Variants in SUPT4H1 observed in about 807,000 individuals in gnomAD.
The protein encoded by SUPT4H1 is SPT4 homolog, DSIF elongation factor subunit, also known as transcription elongation factor SPT4.
A neutral mutation model predicts 19.4 loss-of-function variants in SUPT4H1; 12 were observed. The observed-to-expected ratio is 0.62, with a 90% confidence interval of 0.40 to 1.00. SUPT4H1 has a LOEUF of 1.00. Among genes scored for constraint, SUPT4H1 ranks in the 50% least tolerant of loss-of-function variants. The pLI, the probability that SUPT4H1 is intolerant of heterozygous loss-of-function variation, is 0.00. For synonymous variants in SUPT4H1, 58 were observed against 56.3 expected (o/e 1.03, Z -0.14); for missense variants, 115 against 149.2 (o/e 0.77, Z 1.19).
chr17:58,351,391 A>T lies in SUPT4H1; in HGVS notation c.176+11T>A. 6.3e-7 allele frequency: 1 copy of T among 1,591,696 alleles called. No homozygotes were observed. Among genetic ancestry groups the T allele is most frequent in the Non-Finnish European group, 8.6e-7 (1 of 1,160,764 alleles). On this transcript the variant is annotated intron_variant, in intron 2 of 4. Coordinates refer to ENST00000225504, the MANE Select transcript of SUPT4H1 (RefSeq NM_003168.3). ...ATGCAGAAGTGAATGATGGAAACTG[A>T]AGCGGCTTACCCATCAAAGGAAGAG... is the stretch of plus-strand genomic sequence containing the variant.
At chr17:58,346,931 T>C (rs1019082079) in intron 4 of SUPT4H1, among the ~76,000 whole-genome samples, 2 of 151,878 alleles carry the variant, frequency 1.3e-5, no homozygotes, top group Admixed American at 6.6e-5. Context: ...CTGGGCAACA[T>C]AGTGAGACCT....
At chr17:58,347,454 T>C (rs567435811) in intron 3 of SUPT4H1, 75 bp downstream of exon 3, 1 of 1,567,552 alleles carries the variant, frequency 6.4e-7, no homozygotes, top group African/African-American at 1.4e-5. Context: ...TCTTGCTGAT[T>C]TGAGACTCCC....
chr17:58,351,084 T>C (rs1377811383), intron 2 of SUPT4H1, among the ~76,000 whole-genome samples: 1 of 151,936 alleles, frequency 6.6e-6, no homozygotes, highest in African/African-American at 2.4e-5. Context: ...CTGTATTAGA[T>C]GCATAGCACT....
At chr17:58,351,754 C>T in intron 1 of SUPT4H1, 1 of 574,328 alleles carries the variant, frequency 1.7e-6, no homozygotes, top group South Asian at 2.1e-5. Context: ...GGTCAGGCAT[C>T]CTTTCCGACT....
At chr17:58,351,783 C>G (rs913355699) in intron 1 of SUPT4H1, 1 of 571,250 alleles carries the variant, frequency 1.8e-6, no homozygotes, top group Admixed American at 3.2e-5. Flanking sequence ...AGCAGCGGAT[C>G]CCCACCCGCC....
At chr17:58,347,963 C>A (rs1351285593) in intron 2 of SUPT4H1, among the ~76,000 whole-genome samples, 1 of 152,178 alleles carries the variant, frequency 6.6e-6, no homozygotes, top group Non-Finnish European at 1.5e-5. Context: ...AACGGATCCT[C>A]CTACTAGAAA....
At chr17:58,349,310 G>A (rs1244614693) in intron 2 of SUPT4H1, among the ~76,000 whole-genome samples, 1 of 152,218 alleles carries the variant, frequency 6.6e-6, no homozygotes, top group African/African-American at 2.4e-5. Context: ...TTTAAATTTT[G>A]TTCTTTTCCA....
intron 1 of SUPT4H1, 121 bp downstream of exon 1, chr17:58,351,946 C>A (rs1046898169): frequency 4.8e-6 from 5 of 1,050,676 alleles, no homozygotes; most frequent in East Asian, 5.3e-5. Flanking sequence ...CTTCTCACTC[C>A]CCCTGCCACC....
Position 58,346,180 on chromosome 17 carries a change from T to C in SUPT4H1, c.*66A>G, listed in dbSNP as rs1444104349. The C allele has an allele frequency of 2.2e-6, 3 of 1,336,996 alleles. No homozygotes were observed. Among genetic ancestry groups the C allele is most frequent in the Non-Finnish European group, 3.2e-6 (3 of 928,766 alleles). 82.8% of individuals were successfully genotyped at this position (1,336,996 alleles called of 1,614,324 possible). ...AGTATTTGAAGTTCTGTTCATTTAG[T>C]TCCAGAACAAGAAATAAGCAGAGGC... On this transcript the variant is annotated 3_prime_UTR_variant, in exon 5 of 5. Transcript: ENST00000225504.
At chr17:58,351,327 A>G (rs1972510175) in intron 2 of SUPT4H1, 75 bp downstream of exon 2, 2 of 1,021,994 alleles carry the variant, frequency 2.0e-6, no homozygotes, top group Non-Finnish European at 3.0e-6. Context: ...TAGGATTAAC[A>G]CTTGCCCTGC....
Position 58,351,418 on chromosome 17 carries a change from T to C in SUPT4H1, c.160A>G (p.Ser54Gly). 6.2e-7 allele frequency: 1 copy of C among 1,612,928 alleles called. No individual in the cohort carries two copies. Among genetic ancestry groups the C allele is most frequent in the South Asian group, 1.1e-5 (1 of 90,984 alleles). ...GCGGCTTACCCATCAAAGGAAGAGC[T>C]AGTGCAGTCATATACCATCTCTCGG... ...GNREMVYDCT[S>G]SSFDGIIAMM... Residue 54 changes from serine (S) to glycine (G), a missense_variant, in exon 2 of 5, where the codon AGC (serine) becomes GGC (glycine). Coordinates refer to ENST00000225504, the MANE Select transcript of SUPT4H1 (RefSeq NM_003168.3).
intron 2 of SUPT4H1, among the ~76,000 whole-genome samples, chr17:58,350,968 C>T (rs931534786): frequency 6.6e-6 from 1 of 151,664 alleles, no homozygotes; most frequent in Non-Finnish European, 1.5e-5. Flanking sequence ...TCTTTCTTCT[C>T]ATGTTAAGTC....
chr17:58,347,144 G>C, intron 4 of SUPT4H1, 44 bp downstream of exon 4: 3 of 1,585,998 alleles, frequency 1.9e-6, no homozygotes, highest in Non-Finnish European at 2.6e-6. Context: ...AACTTCCACA[G>C]AGCTTTACAG....
chr17:58,349,238 T>G (rs969517835), intron 2 of SUPT4H1, among the ~76,000 whole-genome samples: 1 of 152,250 alleles, frequency 6.6e-6, no homozygotes, highest in African/African-American at 2.4e-5. Flanking sequence ...GTTCAACTTA[T>G]GATTTTTCAA....
Position 58,351,374 on chromosome 17 carries a change from G to A in SUPT4H1, c.176+28C>T, listed in dbSNP as rs758073287. 6 of 1,522,208 alleles carry A rather than the reference G, an allele frequency of 3.9e-6. No individual in the cohort carries two copies. The East Asian group carries it at 1.1e-4, about 29-fold the overall frequency. The allele number at this position is 1,522,208 out of a possible 1,614,324, so 94.3% of individuals were successfully genotyped here. On this transcript the variant is annotated intron_variant, in intron 2 of 4. Coordinates refer to ENST00000225504, the MANE Select transcript of SUPT4H1 (RefSeq NM_003168.3). ...TGGGTGCAGGTTGGGTAATGCAGAA[G>A]TGAATGATGGAAACTGAAGCGGCTT...
intron 2 of SUPT4H1, among the ~76,000 whole-genome samples, chr17:58,350,009 A>C (rs1972435892): frequency 6.6e-6 from 1 of 152,238 alleles, no homozygotes; most frequent in Non-Finnish European, 1.5e-5. Context: ...GCGACCGGGC[A>C]CAGTGGCTCA....
At chr17:58,346,852 A>C (rs1972309707) in intron 4 of SUPT4H1, among the ~76,000 whole-genome samples, 1 of 152,100 alleles carries the variant, frequency 6.6e-6, no homozygotes, top group Non-Finnish European at 1.5e-5. Context: ...TAAGCCAAGC[A>C]CCTGTAGTCC....
At position 58,345,589 on chromosome 17, in the gene SUPT4H1, G is replaced by A. The variant is rs1045321794; in HGVS notation, c.*657C>T. 6.6e-6 allele frequency: 1 copy of A among 152,202 alleles called. No homozygotes were observed. Among genetic ancestry groups the A allele is most frequent in the Non-Finnish European group, 1.5e-5 (1 of 68,220 alleles). 9.4% of individuals were successfully genotyped at this position (152,202 alleles called of 1,614,324 possible). A position where few individuals can be genotyped will look rare whatever the true frequency, so the allele number is the denominator to read the frequency against. ...GTGAAGAGAAGAAAATAGACAAGCA[G>A]GGGAGGGAAGAATTATTAAACATGG... On this transcript the variant is annotated 3_prime_UTR_variant, in exon 5 of 5. Transcript: ENST00000225504.
intron 1 of SUPT4H1, chr17:58,351,745 G>A (rs895472484): frequency 2.1e-5 from 12 of 574,230 alleles, no homozygotes; most frequent in Non-Finnish European, 3.7e-5. Context: ...TCTACTCAGG[G>A]TCAGGCATCC....
Sources: gnomAD v4.1 joint callset for allele counts (sites outside exome capture counted in the v4.1 genomes callset) on GRCh38, gnomAD v4.1.1 for gene constraint, MANE v1.5 for transcripts, NCBI Gene and HGNC (gene_info 2026-07-23, HGNC 2026-07-21) for gene names.